The following WDR27 variants were observed in gnomAD, a reference collection of about 807,000 sequenced individuals.
WDR27 encodes the protein WD repeat domain 27.
A neutral mutation model predicts 114.4 loss-of-function variants in WDR27; 100 were observed. That is an observed-to-expected ratio of 0.87 (90% CI 0.74 to 1.03). WDR27 has a LOEUF of 1.03. Among genes scored for constraint, WDR27 ranks in the 50% least tolerant of loss-of-function variants. The pLI, the probability that WDR27 is intolerant of heterozygous loss-of-function variation, is 0.00. For missense variants in WDR27, 1,129 were observed against 1,092.9 expected, an observed-to-expected ratio of 1.03 and a Z score of -0.47; for synonymous variants, 449 against 423.1, an observed-to-expected ratio of 1.06 and a Z score of -0.75.
intron 14 of WDR27, among the ~76,000 whole-genome samples, chr6:169,651,217 A>AG (rs1468496514): frequency 8.4e-6 from 1 of 118,942 alleles, no homozygotes; most frequent in Non-Finnish European, 1.7e-5. Context: ...GGGAGTGGCC[A>AG]GGGGCACATG....
intron 25 of WDR27, among the ~76,000 whole-genome samples, chr6:169,512,739 G>A (rs1239434625): frequency 6.6e-6 from 1 of 152,198 alleles, no homozygotes; most frequent in Admixed American, 6.5e-5. Context: ...TAGAGGTAAT[G>A]GCTTGAATCA....
intron 25 of WDR27, among the ~76,000 whole-genome samples, chr6:169,567,501 C>G (rs1451342430): frequency 6.6e-6 from 1 of 152,102 alleles, no homozygotes; most frequent in Non-Finnish European, 1.5e-5. Flanking sequence ...CTGGGGGGCT[C>G]CCTGACGCTC....
At chr6:169,559,872 C>T (rs1799447329) in intron 25 of WDR27, 1 of 152,184 alleles carries the variant, frequency 6.6e-6, no homozygotes, top group African/African-American at 2.4e-5. Context: ...TGTCCACTTA[C>T]CCACTGTGTG....
At chr6:169,612,411 G>T (rs796681461) in intron 22 of WDR27, among the ~76,000 whole-genome samples, 14 of 152,290 alleles carry the variant, frequency 9.2e-5, no homozygotes, top group African/African-American at 3.4e-4. Context: ...CTGGGTGACA[G>T]AGCGAGACTC....
intron 25 of WDR27, among the ~76,000 whole-genome samples, chr6:169,538,483 T>C (rs983025663): frequency 2.0e-5 from 3 of 152,136 alleles, no homozygotes; most frequent in East Asian, 1.9e-4. Flanking sequence ...AGAACGGATA[T>C]CCCACCTTTC....
chr6:169,658,376 C>T lies in WDR27; in HGVS notation c.1320-18G>A, dbSNP rs1824918240. 6.3e-7 allele frequency: 1 copy of T among 1,580,756 alleles called. No individual in the cohort carries two copies. Among genetic ancestry groups the T allele is most frequent in the African/African-American group, 1.3e-5 (1 of 74,116 alleles). ...CACAGGAGCTGAAACAGAAACAAGC[C>T]CCATGAAACTAGGAGCGCAAACGAC... On this transcript the variant is annotated intron_variant, in intron 12 of 25. Transcript: ENST00000448612.
At chr6:169,623,445 G>T (rs2128202612) in intron 21 of WDR27, among the ~76,000 whole-genome samples, 1 of 152,272 alleles carries the variant, frequency 6.6e-6, no homozygotes. Flanking sequence ...TGATCAACTG[G>T]CTCTATCTAG....
chr6:169,433,710 G>C, the WDR27 span, among the ~76,000 whole-genome samples: 1 of 152,182 alleles, frequency 6.6e-6, no homozygotes, highest in African/African-American at 2.4e-5. Flanking sequence ...CCCACCAACT[G>C]TGTAAAAGTG....
At chr6:169,432,643 C>T in the WDR27 span, among the ~76,000 whole-genome samples, 1 of 152,188 alleles carries the variant, frequency 6.6e-6, no homozygotes, top group Non-Finnish European at 1.5e-5. Flanking sequence ...TGAGGCCTCC[C>T]CAGTCACGTG....
chr6:169,481,356 G>A (rs925140725), intron 25 of WDR27, among the ~76,000 whole-genome samples: 1 of 152,194 alleles, frequency 6.6e-6, no homozygotes. Flanking sequence ...GGACCAATCA[G>A]CTCTCTGTAA....
chr6:169,645,337 G>GAAC (rs951411784), intron 16 of WDR27, among the ~76,000 whole-genome samples: 2 of 151,646 alleles, frequency 1.3e-5, no homozygotes, highest in African/African-American at 4.9e-5. Flanking sequence ...TCACACTGTA[G>GAAC]AAATTCCTAG....
chr6:169,442,858 C>T, the WDR27 span, among the ~76,000 whole-genome samples: 1 of 152,204 alleles, frequency 6.6e-6, no homozygotes, highest in East Asian at 1.9e-4. Context: ...CCTGGGGATT[C>T]TGCAGGCCAC....
At position 169,520,796 on chromosome 6, in the gene WDR27, T is replaced by G. The variant is rs189162396; in HGVS notation, c.2645+51623A>C. The stretch of plus-strand genomic sequence containing the variant: ...AGAATGGATCAAGCAGAGGAAAGAA[T>G]CAGTGAGTTCAAAGACAGGTTACCT... On this transcript the variant is annotated intron_variant, in intron 25 of 25. Coordinates refer to ENST00000448612, the MANE Select transcript of WDR27 (RefSeq NM_182552.5). Among the ~76,000 whole-genome samples, 626 of 151,722 alleles carry G rather than the reference T, an allele frequency of 4.1e-3. 5 individuals carry two copies. Among genetic ancestry groups the G allele is most frequent in the African/African-American group, 0.014 (596 of 41,330 alleles).
intron 25 of WDR27, among the ~76,000 whole-genome samples, chr6:169,495,543 C>T (rs558882054): frequency 6.6e-6 from 1 of 150,394 alleles, no homozygotes; most frequent in Admixed American, 6.6e-5. Context: ...CCTGACAAAG[C>T]TTTAGCCAGG....
chr6:169,690,005 C>T (rs1784055076), intron 1 of WDR27, among the ~76,000 whole-genome samples: 2 of 151,974 alleles, frequency 1.3e-5, no homozygotes, highest in Admixed American at 6.6e-5. Flanking sequence ...GGCCCTCATG[C>T]TGGTCATGTG....
intron 18 of WDR27, among the ~76,000 whole-genome samples, chr6:169,638,318 G>A (rs1475544745): frequency 2.2e-5 from 2 of 89,598 alleles, no homozygotes; most frequent in African/African-American, 3.6e-5. Flanking sequence ...GCGAGACTCC[G>A]TCTCAAAAAA....
chr6:169,589,896 A>T (rs1295896387), intron 23 of WDR27, among the ~76,000 whole-genome samples: 1 of 152,196 alleles, frequency 6.6e-6, no homozygotes, highest in African/African-American at 2.4e-5. Context: ...GCTAAGACAT[A>T]CTCAGAAAAC....
At chr6:169,621,525 TACAC>T (rs372232373) in intron 21 of WDR27, among the ~76,000 whole-genome samples, 9,198 of 129,346 alleles carry the variant, frequency 0.071, 832 homozygotes, top group African/African-American at 0.23. Flanking sequence ...CACATATACA[TACAC>T]ACACACGCAC....
chr6:169,636,480 T>C lies in WDR27; in HGVS notation c.1894A>G (p.Ile632Val), dbSNP rs368361991. ...LLGKDMFSKPIQSAQFYYIDA... is the reference protein window; with the variant it reads ...LLGKDMFSKPVQSAQFYYIDA... ...ATATAATAGAACTGTGCAGACTGTA[T>C]AGGTTTAGAAAACATGTCTTTGCCC... Residue 632 changes from isoleucine (I) to valine (V), a missense_variant, in exon 19 of 26, where the codon ATA becomes GTA. Coordinates refer to ENST00000448612, the MANE Select transcript of WDR27 (RefSeq NM_182552.5). The C allele has an allele frequency of 9.1e-5, 146 of 1,612,170 alleles. 2 individuals are homozygous for C. Among genetic ancestry groups the C allele is most frequent in the Middle Eastern group, 8.2e-4 (5 of 6,082 alleles).
Sources: gnomAD v4.1 joint callset for allele counts (sites outside exome capture counted in the v4.1 genomes callset) on GRCh38, gnomAD v4.1.1 for gene constraint, MANE v1.5 for transcripts, NCBI Gene and HGNC (gene_info 2026-07-23, HGNC 2026-07-21) for gene names.